Variants in FGF10 observed in about 807,000 individuals in gnomAD.
The protein encoded by FGF10 is fibroblast growth factor 10, also known as FGF-10.
In FGF10, 2 loss-of-function variants were observed where a neutral mutation model predicts 19.8. The ratio of observed to expected loss-of-function variants is 0.10; its 90% confidence interval spans 0.04 to 0.32. The LOEUF (loss-of-function observed/expected upper bound fraction) is 0.32. Among genes scored for constraint, FGF10 ranks in the 10% least tolerant of loss-of-function variants. The pLI is 1.00. For missense variants in FGF10, 191 were observed against 246.3 expected (o/e 0.78, Z 1.50); for synonymous variants, 112 against 94.0 (o/e 1.19, Z -1.10).
chr5:44,381,175 G>C (rs1741974812), intron 1 of FGF10, among the ~76,000 whole-genome samples: 1 of 152,146 alleles, frequency 6.6e-6, no homozygotes, highest in Non-Finnish European at 1.5e-5. Context: ...CTTATCAGTG[G>C]TTTGTCCACT....
chr5:44,370,259 G>A (rs1467377876), intron 1 of FGF10, among the ~76,000 whole-genome samples: 2 of 152,066 alleles, frequency 1.3e-5, no homozygotes, highest in East Asian at 3.9e-4. Flanking sequence ...GGTAGGGTAT[G>A]GATCTCAAAT....
intron 1 of FGF10, among the ~76,000 whole-genome samples, chr5:44,335,859 A>G (rs1191824839): frequency 2.0e-5 from 3 of 152,236 alleles, no homozygotes; most frequent in Non-Finnish European, 4.4e-5. Flanking sequence ...ATATTATTGA[A>G]TATTTAAAAT....
intron 1 of FGF10, among the ~76,000 whole-genome samples, chr5:44,346,606 T>C (rs1741095527): frequency 6.6e-6 from 1 of 151,878 alleles, no homozygotes; most frequent in Non-Finnish European, 1.5e-5. Flanking sequence ...TCATGCACTC[T>C]GCCTGAGCTT....
At position 44,305,787 on chromosome 5, in the gene FGF10, C is replaced by A. The variant is rs995974990; in HGVS notation, c.430-595G>T. Among the ~76,000 whole-genome samples, 3 of 152,124 alleles carry A rather than the reference C, an allele frequency of 2.0e-5. No homozygotes were observed. In the East Asian group the frequency reaches 5.8e-4, roughly 29 times the overall value. ...ATTTAATGAAATTATTTGCAATATTCTATAGCTTGGAATTTTGACAGATTT... is the reference window on the plus strand; with the variant it reads ...ATTTAATGAAATTATTTGCAATATTATATAGCTTGGAATTTTGACAGATTT... On this transcript the variant is annotated intron_variant, in intron 2 of 2. Coordinates refer to ENST00000264664, the MANE Select transcript of FGF10 (RefSeq NM_004465.2).
chr5:44,336,604 ATTTGGAC>A (rs1210537817), intron 1 of FGF10, among the ~76,000 whole-genome samples: 1 of 152,158 alleles, frequency 6.6e-6, no homozygotes, highest in Non-Finnish European at 1.5e-5. Context: ...ATGCTTATAC[ATTTGGAC>A]TTTGGAAAGC....
intron 1 of FGF10, among the ~76,000 whole-genome samples, chr5:44,376,379 T>TA (rs1741855415): frequency 1.3e-5 from 2 of 149,572 alleles, no homozygotes; most frequent in Non-Finnish European, 3.0e-5. Context: ...CTAGTTTGTT[T>TA]AAAAAACACT....
chr5:44,334,977 T>C (rs1198119142), intron 1 of FGF10, among the ~76,000 whole-genome samples: 1 of 152,166 alleles, frequency 6.6e-6, no homozygotes, highest in Non-Finnish European at 1.5e-5. Flanking sequence ...CATTTTCCCC[T>C]ACTAATGTTA....
At position 44,389,111 on chromosome 5, in the gene FGF10, A is replaced by ATTTTTT; in HGVS notation, c.-430_-429insAAAAAA. The ATTTTTT allele has an allele frequency of 6.7e-6, 2 of 300,512 alleles. No homozygotes were observed. The highest frequency in any genetic ancestry group is 3.4e-5 in the South Asian group (1 of 29,332). The allele number at this position is 300,512 out of a possible 1,614,324, so 18.6% of individuals were successfully genotyped here. A position where few individuals can be genotyped will look rare whatever the true frequency, so the allele number is the denominator to read the frequency against. On this transcript the variant is annotated 5_prime_UTR_variant, in exon 1 of 3. Coordinates refer to ENST00000264664, the MANE Select transcript of FGF10 (RefSeq NM_004465.2). ...AAACCCAAGGGAGGTGGGGTGGGGA[A>ATTTTTT]TAGGGGGAGATATCTGCACCCCTCT...
chr5:44,349,475 T>TAC (rs1253575516), intron 1 of FGF10, among the ~76,000 whole-genome samples: 2 of 77,936 alleles, frequency 2.6e-5, no homozygotes, highest in Non-Finnish European at 5.3e-5. Context: ...TATATCAGAA[T>TAC]ATATATATAT....
chr5:44,357,796 A>C (rs1435413371), intron 1 of FGF10, among the ~76,000 whole-genome samples: 1 of 151,502 alleles, frequency 6.6e-6, no homozygotes, highest in African/African-American at 2.4e-5. Flanking sequence ...CCTTATAGCT[A>C]AGTATAGCCA....
In FGF10 at chr5:44,305,054, G is replaced by C. The variant is rs1013456350; in HGVS notation, c.568C>G (p.Gln190Glu). The change falls in exon 3 of 3, where the codon CAG (glutamine) becomes GAG (glutamate). Residue 190 changes from glutamine to glutamate, a missense_variant. Around this residue, in one of 2 missense-constraint regions of FGF10, gnomAD observed 99 missense variants for 161.7 expected, o/e 0.61. Coordinates refer to ENST00000264664, the MANE Select transcript of FGF10 (RefSeq NM_004465.2). ...LNGKGAPRRGQKTRRKNTSAH... is the reference protein window; with the variant it reads ...LNGKGAPRRGEKTRRKNTSAH... Reference sequence around the variant, plus strand: ...GAGGTGTTTTTCCTTCGTGTTTTCTGTCCTCTCCTTGGAGCTCCTTTTCCA... The same window carrying C: ...GAGGTGTTTTTCCTTCGTGTTTTCTCTCCTCTCCTTGGAGCTCCTTTTCCA... 6.2e-7 allele frequency: 1 copy of C among 1,613,810 alleles called. No homozygotes were observed. Among genetic ancestry groups the C allele is most frequent in the African/African-American group, 1.3e-5 (1 of 74,896 alleles).
At chr5:44,363,842 A>G (rs1216746983) in intron 1 of FGF10, among the ~76,000 whole-genome samples, 2 of 151,864 alleles carry the variant, frequency 1.3e-5, no homozygotes, top group Non-Finnish European at 2.9e-5. Flanking sequence ...GTCTCCACAT[A>G]CATTTTCCTT....
intron 1 of FGF10, among the ~76,000 whole-genome samples, chr5:44,316,263 A>T (rs1579898815): frequency 6.6e-6 from 1 of 152,204 alleles, no homozygotes; most frequent in South Asian, 2.1e-4. Context: ...CTTCCACGAA[A>T]CCAGTCTCTG....
intron 1 of FGF10, among the ~76,000 whole-genome samples, chr5:44,375,358 A>G (rs1382022513): frequency 6.6e-6 from 1 of 152,158 alleles, no homozygotes; most frequent in East Asian, 1.9e-4. Flanking sequence ...GGTTTCCCAG[A>G]GATGACATCT....
intron 1 of FGF10, among the ~76,000 whole-genome samples, chr5:44,349,453 T>TATATATAAGA (rs1741179744): frequency 4.3e-5 from 1 of 23,060 alleles, no homozygotes; most frequent in African/African-American, 1.4e-4. Context: ...TATATATATA[T>TATATATAAGA]ATATATATAT....
chr5:44,370,018 C>T (rs149804958), intron 1 of FGF10, among the ~76,000 whole-genome samples: 1 of 151,984 alleles, frequency 6.6e-6, no homozygotes, highest in Non-Finnish European at 1.5e-5. Flanking sequence ...AACATATTTG[C>T]CCCCCTCCTC....
chr5:44,341,860 A>T (rs886388806), intron 1 of FGF10, among the ~76,000 whole-genome samples: 2 of 151,966 alleles, frequency 1.3e-5, no homozygotes, highest in African/African-American at 4.8e-5. Flanking sequence ...ACTTCATAGA[A>T]TTTATGTAAG....
chr5:44,319,307 C>A (rs1054666449), intron 1 of FGF10, among the ~76,000 whole-genome samples: 11 of 151,900 alleles, frequency 7.2e-5, no homozygotes, highest in African/African-American at 2.7e-4. Context: ...AGACATTTAC[C>A]CTAAAGACAT....
intron 1 of FGF10, among the ~76,000 whole-genome samples, chr5:44,336,239 G>A (rs1740847844): frequency 6.6e-6 from 1 of 151,952 alleles, no homozygotes; most frequent in Admixed American, 6.6e-5. Context: ...TTTAATGAGA[G>A]TTACTCAAAA....
Sources: gnomAD v4.1 joint callset for allele counts (sites outside exome capture counted in the v4.1 genomes callset) on GRCh38, gnomAD v4.1.1 for gene constraint, gnomAD v4.1.1 regional missense constraint, MANE v1.5 for transcripts, NCBI Gene and HGNC (gene_info 2026-07-23, HGNC 2026-07-21) for gene names.